Variants in SORCS1 observed in about 807,000 individuals in gnomAD.
SORCS1 encodes sortilin related VPS10 domain containing receptor 1, also known as VPS10 domain-containing receptor SorCS1.
A neutral mutation model predicts 146.1 loss-of-function variants in SORCS1; 60 were observed. The observed-to-expected ratio is 0.41, with a 90% confidence interval of 0.33 to 0.51. The LOEUF (loss-of-function observed/expected upper bound fraction) is 0.51. Ranked by LOEUF, SORCS1 falls within the 20% of genes least tolerant of loss-of-function variation. The pLI, the probability that SORCS1 is intolerant of heterozygous loss-of-function variation, is 0.21. For missense variants in SORCS1, 1,352 were observed against 1,487.6 expected (o/e 0.91, Z 1.50); for synonymous variants, 637 against 584.0 (o/e 1.09, Z -1.31).
chr10:106,745,065 T>C (rs1309934658), intron 5 of SORCS1, among the ~76,000 whole-genome samples: 2 of 152,162 alleles, frequency 1.3e-5, no homozygotes, highest in Non-Finnish European at 2.9e-5. Flanking sequence ...AGGGATCCTC[T>C]TGACAATAGC....
At chr10:107,030,408 C>A (rs1958596955) in intron 1 of SORCS1, among the ~76,000 whole-genome samples, 1 of 151,984 alleles carries the variant, frequency 6.6e-6, no homozygotes. Flanking sequence ...ATTTGTAAAC[C>A]CCAATTTGTA....
At chr10:106,630,698 G>A (rs955423220) in intron 18 of SORCS1, among the ~76,000 whole-genome samples, 1 of 152,164 alleles carries the variant, frequency 6.6e-6, no homozygotes, top group African/African-American at 2.4e-5. Context: ...TTAGTCATCT[G>A]TAAAACGCTA....
At chr10:106,787,559 T>C (rs938732419) in intron 3 of SORCS1, among the ~76,000 whole-genome samples, 8 of 152,202 alleles carry the variant, frequency 5.3e-5, no homozygotes, top group Non-Finnish European at 1.0e-4. Flanking sequence ...CTCCAAGTTA[T>C]TACCAACAGG....
At chr10:106,644,942 A>T (rs1435240769) in intron 18 of SORCS1, among the ~76,000 whole-genome samples, 1 of 152,178 alleles carries the variant, frequency 6.6e-6, no homozygotes, top group African/African-American at 2.4e-5. Flanking sequence ...TCTTACATAC[A>T]TTCTGGTGCA....
chr10:106,804,299 C>T (rs1275721731), intron 3 of SORCS1, among the ~76,000 whole-genome samples: 3 of 151,186 alleles, frequency 2.0e-5, no homozygotes, highest in African/African-American at 7.3e-5. Flanking sequence ...CATGACTGCA[C>T]TCTAGACTGG....
chr10:107,048,602 G>C (rs984481787), intron 1 of SORCS1, among the ~76,000 whole-genome samples: 1 of 152,100 alleles, frequency 6.6e-6, no homozygotes, highest in Non-Finnish European at 1.5e-5. Context: ...ACTTATAAAT[G>C]AATATTTTAT....
At chr10:107,079,069 C>CA (rs1055513298) in intron 1 of SORCS1, among the ~76,000 whole-genome samples, 28 of 151,956 alleles carry the variant, frequency 1.8e-4, no homozygotes, top group Admixed American at 1.7e-3. Context: ...ACTAAAAATA[C>CA]AAAAAAATTA....
intron 19 of SORCS1, among the ~76,000 whole-genome samples, chr10:106,628,639 A>G (rs572724004): frequency 6.6e-6 from 1 of 152,330 alleles, no homozygotes; most frequent in South Asian, 2.1e-4. Flanking sequence ...CAGTTTCCTT[A>G]ACACTGTTTT....
chr10:106,645,271 C>T (rs539018878), intron 18 of SORCS1, among the ~76,000 whole-genome samples: 2 of 151,158 alleles, frequency 1.3e-5, no homozygotes, highest in Admixed American at 6.6e-5. Context: ...TAGGTTCAGG[C>T]GATTCTCCTG....
intron 10 of SORCS1, among the ~76,000 whole-genome samples, chr10:106,683,112 A>T (rs1852566722): frequency 6.6e-6 from 1 of 152,220 alleles, no homozygotes; most frequent in African/African-American, 2.4e-5. Context: ...TTTTTCACTT[A>T]ATTTCAGGGA....
intron 18 of SORCS1, among the ~76,000 whole-genome samples, chr10:106,646,833 T>C (rs925716208): frequency 1.3e-5 from 2 of 151,862 alleles, no homozygotes; most frequent in African/African-American, 4.8e-5. Context: ...CACCCATGTA[T>C]TGAAAAGATT....
chr10:107,038,200 G>T (rs1958988913), intron 1 of SORCS1, among the ~76,000 whole-genome samples: 1 of 152,168 alleles, frequency 6.6e-6, no homozygotes, highest in African/African-American at 2.4e-5. Context: ...GAAAAACGGA[G>T]ATTCATCAAA....
At chr10:107,075,407 C>T (rs1045020697) in intron 1 of SORCS1, among the ~76,000 whole-genome samples, 1 of 152,136 alleles carries the variant, frequency 6.6e-6, no homozygotes, top group African/African-American at 2.4e-5. Context: ...CCTTCTGAAT[C>T]TCACTTTCCT....
At chr10:107,034,308 A>G (rs1406496807) in intron 1 of SORCS1, among the ~76,000 whole-genome samples, 1 of 152,084 alleles carries the variant, frequency 6.6e-6, no homozygotes, top group Non-Finnish European at 1.5e-5. Flanking sequence ...GAGCACAGAC[A>G]CTGCTTCATC....
At chr10:106,662,920 T>C (rs1850844681) in intron 17 of SORCS1, among the ~76,000 whole-genome samples, 2 of 152,202 alleles carry the variant, frequency 1.3e-5, no homozygotes, top group Non-Finnish European at 2.9e-5. Flanking sequence ...GCCAGTGTTT[T>C]AACCCTTACA....
intron 3 of SORCS1, among the ~76,000 whole-genome samples, chr10:106,813,711 G>T (rs1189810420): frequency 6.6e-6 from 1 of 152,170 alleles, no homozygotes; most frequent in African/African-American, 2.4e-5. Flanking sequence ...GAGGCAGGAG[G>T]ATCACTTGGG....
intron 6 of SORCS1, among the ~76,000 whole-genome samples, chr10:106,716,380 C>A (rs981260312): frequency 3.3e-5 from 5 of 152,154 alleles, no homozygotes; most frequent in African/African-American, 1.2e-4. Flanking sequence ...TATTTCTTTA[C>A]ATAATGAGAG....
At chr10:106,969,493 A>C (rs111806620) in intron 1 of SORCS1, among the ~76,000 whole-genome samples, 115 of 152,310 alleles carry the variant, frequency 7.6e-4, no homozygotes, top group African/African-American at 2.7e-3. Context: ...CAGTTCTGAG[A>C]TGGAAGAGTT....
rs77668503 is a variant in SORCS1, at chr10:106,903,755, C to T, written c.626+52758G>A. Among the ~76,000 whole-genome samples, 556 of 152,288 alleles carry T rather than the reference C, an allele frequency of 3.7e-3. 1 individual carries two copies. Among genetic ancestry groups the T allele is most frequent in the African/African-American group, 9.7e-3 (402 of 41,548 alleles). ...TACTTACTATGAGATTTTGCATTAG[C>T]TTGGGAAAATGTTTTCTTTCTGCTT... is the stretch of plus-strand genomic sequence containing the variant. On this transcript the variant is annotated intron_variant, in intron 2 of 25. Coordinates refer to ENST00000263054, the MANE Select transcript of SORCS1 (RefSeq NM_052918.5).
Sources: allele counts gnomAD v4.1 joint callset (sites outside exome capture counted in the v4.1 genomes callset), GRCh38; gene constraint gnomAD v4.1.1; transcripts MANE v1.5; gene names NCBI Gene and HGNC (gene_info 2026-07-23, HGNC 2026-07-21).